Variants in LRGUK observed in about 807,000 individuals in gnomAD.
The protein encoded by LRGUK is leucine-rich repeat and guanylate kinase domain-containing protein.
A neutral mutation model predicts 76.0 loss-of-function variants in LRGUK; 65 were observed. That is an observed-to-expected ratio of 0.85 (90% CI 0.70 to 1.05). LRGUK has a LOEUF of 1.05. Ranked by LOEUF, LRGUK falls within the 50% of genes least tolerant of loss-of-function variation. The pLI, the probability that LRGUK is intolerant of heterozygous loss-of-function variation, is 0.00. For missense variants in LRGUK, 758 were observed against 732.8 expected (o/e 1.03, Z -0.40); for synonymous variants, 268 against 265.6 (o/e 1.01, Z -0.09).
rs551138396 is a variant in LRGUK at position 134,263,934 on chromosome 7, G to A, written c.2437G>A (p.Val813Ile). 36 of 1,612,418 alleles carry A rather than the reference G, an allele frequency of 2.2e-5. No individual in the cohort carries two copies. Among genetic ancestry groups the A allele is most frequent in the Admixed American group, 5.0e-5 (3 of 59,772 alleles). The change falls in exon 20 of 20, where the codon GTC becomes ATC. Residue 813 changes from valine (V) to isoleucine (I), a missense_variant. Physicochemically the swap from Val to Ile is conservative, Grantham distance 29. Coordinates refer to the LRGUK transcript ENST00000285928. ...AGTCATCAGTCGCCCAGGTTCCAAC[G>A]TCAAACCCACCCTCCCTCCAATCCC... is the stretch of plus-strand genomic sequence containing the variant.
At chr7:134,183,026 G>A (rs1410594021) in intron 10 of LRGUK, among the ~76,000 whole-genome samples, 2 of 152,248 alleles carry the variant, frequency 1.3e-5, no homozygotes, top group African/African-American at 4.8e-5. Flanking sequence ...AAAGTGCTGG[G>A]ATTACAGGCT....
chr7:134,178,476 C>G, intron 9 of LRGUK, 27 bp from the exon 10 acceptor site: 5 of 1,547,800 alleles, frequency 3.2e-6, no homozygotes, highest in Non-Finnish European at 3.5e-6. Flanking sequence ...ACTTTTTTTC[C>G]CTTTTACATC....
chr7:134,132,536 C>T (rs931880718), intron 1 of LRGUK, among the ~76,000 whole-genome samples: 6 of 151,628 alleles, frequency 4.0e-5, no homozygotes, highest in East Asian at 3.9e-4. Flanking sequence ...AGTTGGGAGG[C>T]GAGGAAAGGA....
chr7:134,253,825 T>C lies in LRGUK; in HGVS notation c.2199-4432T>C, dbSNP rs113311117. The stretch of plus-strand genomic sequence containing the variant: ...CAAAGCCTCTCTGTATAATTTGACT[T>C]AATTTTAACTATATAGAGACAGCAC... On this transcript the variant is annotated intron_variant, in intron 18 of 19. Transcript: ENST00000285928. 5.0e-3 allele frequency among the ~76,000 whole-genome samples: 755 copies of C among 152,292 alleles called. 3 individuals are homozygous for C. Among genetic ancestry groups the C allele is most frequent in the Non-Finnish European group, 8.0e-3 (543 of 68,014 alleles).
In LRGUK at chr7:134,163,463, T is replaced by TC. The variant is rs1210526315; in HGVS notation, c.865dup (p.His289ProfsTer14). ...GAAAGCCCTGCAGAACCTGGATCTG[T>TC]CCCACAATCAGATAAGCAGCCTCCA... On this transcript the variant is annotated frameshift_variant, in exon 7 of 16. Transcript: ENST00000645682. LOFTEE classifies it high-confidence loss of function. 6.2e-7 allele frequency: 1 copy of TC among 1,613,956 alleles called. No homozygotes were observed. The highest frequency in any genetic ancestry group is 1.1e-5 in the South Asian group (1 of 91,060).
intron 14 of LRGUK, among the ~76,000 whole-genome samples, chr7:134,200,975 T>C (rs1378642622): frequency 6.6e-6 from 1 of 152,202 alleles, no homozygotes; most frequent in Non-Finnish European, 1.5e-5. Flanking sequence ...CCAGTTTCCC[T>C]GTGGGCTGTC....
At chr7:134,133,395 C>T (rs1797390548) in intron 1 of LRGUK, among the ~76,000 whole-genome samples, 1 of 152,146 alleles carries the variant, frequency 6.6e-6, no homozygotes, top group Non-Finnish European at 1.5e-5. Context: ...CTTCTTACTC[C>T]ACCCTGGTAC....
chr7:134,170,462 G>T, intron 7 of LRGUK, among the ~76,000 whole-genome samples: 1 of 151,974 alleles, frequency 6.6e-6, no homozygotes, highest in Non-Finnish European at 1.5e-5. Flanking sequence ...AAGATCTAGT[G>T]TTCAATAGCA....
intron 5 of LRGUK, among the ~76,000 whole-genome samples, chr7:134,153,787 C>A (rs1798332833): frequency 6.6e-6 from 1 of 152,122 alleles, no homozygotes; most frequent in Non-Finnish European, 1.5e-5. Flanking sequence ...GAGCATTTTT[C>A]ACTGGTAAGG....
chr7:134,129,492 T>C (rs1047690877), intron 1 of LRGUK, among the ~76,000 whole-genome samples: 1 of 132,582 alleles, frequency 7.5e-6, no homozygotes, highest in Admixed American at 7.7e-5. Context: ...TCTCTTTCTT[T>C]CACAGGGTCT....
chr7:134,145,974 G>A (rs1364283571), intron 4 of LRGUK, among the ~76,000 whole-genome samples: 1 of 152,226 alleles, frequency 6.6e-6, no homozygotes, highest in East Asian at 1.9e-4. Context: ...ACCCCTTTAA[G>A]GTCTTTCAAG....
At chr7:134,207,635 G>A (rs1019910120) in intron 15 of LRGUK, among the ~76,000 whole-genome samples, 1 of 152,146 alleles carries the variant, frequency 6.6e-6, no homozygotes, top group Non-Finnish European at 1.5e-5. Context: ...CTCATCCTGC[G>A]TCAGTGGAGG....
intron 15 of LRGUK, among the ~76,000 whole-genome samples, chr7:134,203,060 A>C (rs1166335929): frequency 6.6e-6 from 1 of 151,912 alleles, no homozygotes; most frequent in Admixed American, 6.6e-5. Context: ...AAAATTAGCC[A>C]GGCGTGGTGG....
chr7:134,251,099 G>A (rs1471885486), intron 18 of LRGUK, among the ~76,000 whole-genome samples: 2 of 152,100 alleles, frequency 1.3e-5, no homozygotes, highest in Non-Finnish European at 2.9e-5. Context: ...GGTTTGAGCT[G>A]TCCCCCATTC....
At chr7:134,211,545 G>A (rs1190172235), downstream of LRGUK, among the ~76,000 whole-genome samples, 1 of 152,204 alleles carries the variant, frequency 6.6e-6, no homozygotes, top group East Asian at 1.9e-4. Context: ...GCATGACTCT[G>A]TGATCAAATG....
the LRGUK span, among the ~76,000 whole-genome samples, chr7:134,274,931 T>C: frequency 6.6e-6 from 1 of 152,164 alleles, no homozygotes; most frequent in Admixed American, 6.5e-5. Flanking sequence ...AAAACTATTT[T>C]TATTTATTTT....
At chr7:134,248,108 T>A (rs1223790475) in intron 17 of LRGUK, among the ~76,000 whole-genome samples, 1 of 152,214 alleles carries the variant, frequency 6.6e-6, no homozygotes, top group Admixed American at 6.5e-5. Context: ...GTAGGCTATC[T>A]TTGGATAGTC....
intron 16 of LRGUK, among the ~76,000 whole-genome samples, chr7:134,236,186 G>A (rs932063008): frequency 6.6e-6 from 1 of 152,026 alleles, no homozygotes; most frequent in Non-Finnish European, 1.5e-5. Context: ...TCCCCAAGTT[G>A]GGACATGGAA....
chr7:134,185,173 A>T (rs1799929874), intron 11 of LRGUK, among the ~76,000 whole-genome samples: 1 of 152,198 alleles, frequency 6.6e-6, no homozygotes, highest in Non-Finnish European at 1.5e-5. Flanking sequence ...ATAGAGGAAC[A>T]TATCCGAAAA....
Sources: allele counts gnomAD v4.1 joint callset (sites outside exome capture counted in the v4.1 genomes callset), GRCh38; gene constraint gnomAD v4.1.1; transcripts MANE v1.5; gene names NCBI Gene and HGNC (gene_info 2026-07-23, HGNC 2026-07-21).